Variants in VAV3 observed in about 807,000 individuals in gnomAD.
VAV3 encodes guanine nucleotide exchange factor VAV3.
A neutral mutation model predicts 131.2 loss-of-function variants in VAV3; 94 were observed. The ratio of observed to expected loss-of-function variants is 0.72; its 90% CI spans 0.61 to 0.85. The LOEUF is 0.85. VAV3 is among the 40% of genes least tolerant of loss of function. The probability of loss-of-function intolerance (pLI) is 0.00; values close to 1 mark genes in which losing one functional copy is unlikely to be tolerated. For missense variants in VAV3, 939 were observed against 1,002.7 expected (o/e 0.94, Z 0.86); for synonymous variants, 349 against 342.0 (o/e 1.02, Z -0.22).
Position 107,866,723 on chromosome 1 carries a change from T to C in VAV3, c.321+8178A>G, listed in dbSNP as rs1474194584. Among the ~76,000 whole-genome samples, 6 of 146,472 alleles carry C rather than the reference T, an allele frequency of 4.1e-5. No individual in the cohort carries two copies. The Admixed American group carries it at 4.3e-4, about 10-fold the overall frequency. On this transcript the variant is annotated intron_variant, in intron 2 of 26. Transcript: ENST00000370056. ...TTGCAGCCCCAGCTACTCGGGAGGC[T>C]GAGGCAGGAGAATCACTTGAACCTG...
intron 15 of VAV3, among the ~76,000 whole-genome samples, chr1:107,714,263 T>C (rs554743245): frequency 1.3e-5 from 2 of 152,210 alleles, no homozygotes; most frequent in South Asian, 4.1e-4. Context: ...CTTACCAAAG[T>C]ATTTCTTCTT....
intron 25 of VAV3, among the ~76,000 whole-genome samples, chr1:107,579,031 G>C (rs1319080109): frequency 1.3e-5 from 2 of 152,116 alleles, no homozygotes; most frequent in Admixed American, 1.3e-4. Flanking sequence ...GGTAATACTT[G>C]ACCAAAGGAC....
At chr1:107,879,464 C>A (rs1670660599) in intron 1 of VAV3, among the ~76,000 whole-genome samples, 1 of 151,860 alleles carries the variant, frequency 6.6e-6, no homozygotes, top group East Asian at 1.9e-4. Flanking sequence ...TGTGTTCAGA[C>A]AAAAAGAAAA....
intron 19 of VAV3, among the ~76,000 whole-genome samples, chr1:107,661,500 A>C (rs1338549923): frequency 6.6e-6 from 1 of 152,184 alleles, no homozygotes; most frequent in Non-Finnish European, 1.5e-5. Context: ...TATTTAACAT[A>C]ACTTGTATAT....
chr1:107,908,016 G>T (rs1364364969), intron 1 of VAV3, among the ~76,000 whole-genome samples: 1 of 152,170 alleles, frequency 6.6e-6, no homozygotes, highest in Non-Finnish European at 1.5e-5. Flanking sequence ...CGTGTGTTGA[G>T]GAATGAATTC....
intron 25 of VAV3, among the ~76,000 whole-genome samples, chr1:107,595,345 A>G (rs1252587464): frequency 1.3e-5 from 2 of 152,126 alleles, no homozygotes; most frequent in East Asian, 1.9e-4. Flanking sequence ...TTCCCCTTTC[A>G]GTTTCTGCTT....
At chr1:107,776,433 T>C (rs118138494) in intron 4 of VAV3, among the ~76,000 whole-genome samples, 3 of 152,114 alleles carry the variant, frequency 2.0e-5, no homozygotes, top group African/African-American at 4.8e-5. Flanking sequence ...TTAGACAGGA[T>C]AGTCAGAGAA....
intron 2 of VAV3, among the ~76,000 whole-genome samples, chr1:107,823,501 A>T (rs1021931787): frequency 8.0e-5 from 12 of 149,570 alleles, no homozygotes; most frequent in African/African-American, 2.7e-4. Flanking sequence ...GGGTAGCATT[A>T]AAAAAAAATA....
chr1:107,920,375 T>C (rs1002357976), intron 1 of VAV3, among the ~76,000 whole-genome samples: 8 of 152,126 alleles, frequency 5.3e-5, no homozygotes, highest in East Asian at 3.8e-4. Flanking sequence ...TCGGGGCAAA[T>C]AGGGACAAAA....
chr1:107,868,665 A>G (rs1186612719), intron 2 of VAV3, among the ~76,000 whole-genome samples: 1 of 152,140 alleles, frequency 6.6e-6, no homozygotes, highest in Non-Finnish European at 1.5e-5. Context: ...AGGTTCTGGG[A>G]CTTTGTCTTT....
At chr1:107,709,465 A>G (rs1365646097) in intron 15 of VAV3, among the ~76,000 whole-genome samples, 1 of 152,220 alleles carries the variant, frequency 6.6e-6, no homozygotes, top group Non-Finnish European at 1.5e-5. Context: ...GTGAAAGAAC[A>G]CTGAAGAAAA....
chr1:107,729,212 T>C (rs1031410674), intron 15 of VAV3, among the ~76,000 whole-genome samples: 1 of 152,208 alleles, frequency 6.6e-6, no homozygotes, highest in Non-Finnish European at 1.5e-5. Flanking sequence ...GTGTTCAATA[T>C]GTCAAAGCTC....
intron 25 of VAV3, among the ~76,000 whole-genome samples, chr1:107,591,836 A>G (rs1196785519): frequency 6.6e-6 from 1 of 152,166 alleles, no homozygotes; most frequent in Non-Finnish European, 1.5e-5. Context: ...CTAAATACTC[A>G]GCACACGTTC....
chr1:107,618,168 C>T (rs1320536722), intron 20 of VAV3, among the ~76,000 whole-genome samples: 2 of 152,166 alleles, frequency 1.3e-5, no homozygotes, highest in East Asian at 3.9e-4. Context: ...ATTGGCAGCT[C>T]ACCTCCTGCT....
intron 2 of VAV3, among the ~76,000 whole-genome samples, chr1:107,822,610 G>A (rs1035985316): frequency 4.0e-5 from 6 of 151,696 alleles, no homozygotes; most frequent in South Asian, 2.1e-4. Context: ...AGCCGAGATC[G>A]TGCCACTGCA....
At chr1:107,690,341 T>A (rs1238089160) in intron 17 of VAV3, among the ~76,000 whole-genome samples, 1 of 152,100 alleles carries the variant, frequency 6.6e-6, no homozygotes, top group African/African-American at 2.4e-5. Flanking sequence ...TTTACGGTGG[T>A]CAAGTAGCTA....
intron 15 of VAV3, among the ~76,000 whole-genome samples, chr1:107,744,175 A>C (rs1663188896): frequency 6.6e-6 from 1 of 152,104 alleles, no homozygotes; most frequent in South Asian, 2.1e-4. Context: ...TAGAATCTCC[A>C]TCCCCCATTC....
chr1:107,699,290 A>C (rs1659944031), intron 17 of VAV3, among the ~76,000 whole-genome samples: 1 of 152,268 alleles, frequency 6.6e-6, no homozygotes, highest in Middle Eastern at 3.2e-3. Context: ...CAAAGGGCCT[A>C]CAGGCCCCAT....
At chr1:107,654,831 T>C (rs939147009) in intron 19 of VAV3, among the ~76,000 whole-genome samples, 5 of 152,092 alleles carry the variant, frequency 3.3e-5, no homozygotes, top group South Asian at 4.1e-4. Flanking sequence ...ATGTTAGATA[T>C]ACACTGGCTT....
Sources: allele counts gnomAD v4.1 joint callset (sites outside exome capture counted in the v4.1 genomes callset), GRCh38; gene constraint gnomAD v4.1.1; transcripts MANE v1.5; gene names NCBI Gene and HGNC (gene_info 2026-07-23, HGNC 2026-07-21).